Variants in PAQR5 observed in about 807,000 individuals in gnomAD.
The protein encoded by PAQR5 is progestin and adipoQ receptor family member 5.
Under a neutral mutation model 34.5 loss-of-function variants are expected in PAQR5, and 20 were observed. The ratio of observed to expected loss-of-function variants is 0.58; its 90% confidence interval spans 0.41 to 0.84. PAQR5 has a LOEUF of 0.84. PAQR5 is among the 40% of genes least tolerant of loss of function. The probability of loss-of-function intolerance (pLI) is 0.00; values close to 1 mark genes in which losing one functional copy is unlikely to be tolerated. For synonymous variants in PAQR5, 131 were observed against 155.6 expected (o/e 0.84, Z 1.18); for missense variants, 378 against 412.7 (o/e 0.92, Z 0.73).
intron 6 of PAQR5, among the ~76,000 whole-genome samples, chr15:69,393,594 C>T (rs2056330411): frequency 6.6e-6 from 1 of 152,156 alleles, no homozygotes; most frequent in Non-Finnish European, 1.5e-5. Flanking sequence ...CTTCCTCCCC[C>T]AGGCTCCACC....
chr15:69,300,302 A>C lies in PAQR5; in HGVS notation c.-277+1246A>C, dbSNP rs1370091356. Among the ~76,000 whole-genome samples, 3 of 152,166 alleles carry C rather than the reference A, an allele frequency of 2.0e-5. No homozygotes were observed. The East Asian group carries it at 5.8e-4, about 29-fold the overall frequency. The stretch of plus-strand genomic sequence containing the variant: ...GGCAGGGACCTGCTTTGTTCCCTGC[A>C]GGGACCTGCTTTGTTCCCTGCCGTA... On this transcript the variant is annotated intron_variant, in intron 1 of 8. Coordinates refer to ENST00000395407, the MANE Select transcript of PAQR5 (RefSeq NM_017705.4).
chr15:69,328,629 G>A (rs935187022), intron 1 of PAQR5, among the ~76,000 whole-genome samples: 4 of 152,174 alleles, frequency 2.6e-5, no homozygotes, highest in Admixed American at 1.3e-4. Context: ...GGAGTTGCTC[G>A]GGATGGGGGT....
At chr15:69,361,721 C>T (rs1056113281) in intron 3 of PAQR5, among the ~76,000 whole-genome samples, 1 of 152,196 alleles carries the variant, frequency 6.6e-6, no homozygotes, top group Non-Finnish European at 1.5e-5. Context: ...ATGATCCAAT[C>T]ACCTCCCACC....
At chr15:69,354,077 G>A (rs2054994981) in intron 2 of PAQR5, among the ~76,000 whole-genome samples, 1 of 152,152 alleles carries the variant, frequency 6.6e-6, no homozygotes, top group African/African-American at 2.4e-5. Flanking sequence ...TGTGATTAAG[G>A]TCAATGGGAA....
At chr15:69,346,798 TTTTA>T (rs140135490) in intron 2 of PAQR5, among the ~76,000 whole-genome samples, 129,165 of 147,796 alleles carry the variant, frequency 0.87, 57,224 homozygotes, top group Non-Finnish European at 0.96. Flanking sequence ...ATTTTTGTAT[TTTTA>T]TTTATTTATT....
chr15:69,405,468 T>C lies in PAQR5; in HGVS notation c.*1646T>C, dbSNP rs989261817. ...TCTGGGGAAGGCAGACTGATAAAAT[T>C]ATATGGGCTGGTAAATTTTTGGTAC... On this transcript the variant is annotated 3_prime_UTR_variant, in exon 9 of 9. Coordinates refer to ENST00000395407, the MANE Select transcript of PAQR5 (RefSeq NM_017705.4). 1 of 152,754 alleles carries C rather than the reference T, an allele frequency of 6.5e-6. No individual in the cohort carries two copies. The highest frequency in any genetic ancestry group is 1.5e-5 in the Non-Finnish European group (1 of 68,440). The allele number at this position is 152,754 out of a possible 1,614,324, so 9.5% of individuals were successfully genotyped here. A position where few individuals can be genotyped will look rare whatever the true frequency, so the allele number is the denominator to read the frequency against.
rs557579486 is a variant in PAQR5 at position 69,352,745 on chromosome 15, C to T, written c.-115-7221C>T. 1.1e-4 allele frequency among the ~76,000 whole-genome samples: 17 copies of T among 152,266 alleles called. 1 individual carries two copies. The highest frequency in any genetic ancestry group is 1.9e-4 in the Non-Finnish European group (13 of 68,032). ...CCTGGTCATGCACTTTGCTTGGAAG[C>T]AGAAATGGCCAGATGTATATAGTTT... On this transcript the variant is annotated intron_variant, in intron 2 of 8. Transcript: ENST00000395407.
At chr15:69,360,579 G>C (rs2055206017) in intron 3 of PAQR5, among the ~76,000 whole-genome samples, 1 of 152,192 alleles carries the variant, frequency 6.6e-6, no homozygotes, top group Admixed American at 6.5e-5. Context: ...GAGGGTTGTT[G>C]AATGAGCCTT....
intron 2 of PAQR5, among the ~76,000 whole-genome samples, chr15:69,352,158 T>G (rs940156765): frequency 1.3e-5 from 2 of 152,160 alleles, no homozygotes; most frequent in African/African-American, 2.4e-5. Flanking sequence ...ATAGGTGAAC[T>G]GCAGCAGATG....
intron 2 of PAQR5, among the ~76,000 whole-genome samples, 185 bp from the exon 3 acceptor site, chr15:69,359,780 AC>A (rs1358170913): frequency 2.0e-5 from 3 of 151,862 alleles, no homozygotes; most frequent in African/African-American, 7.3e-5. Context: ...ATTATTAATT[AC>A]CTCCCTCCAG....
intron 1 of PAQR5, among the ~76,000 whole-genome samples, chr15:69,315,060 T>C (rs910734423): frequency 6.6e-6 from 1 of 152,114 alleles, no homozygotes; most frequent in Non-Finnish European, 1.5e-5. Flanking sequence ...CAGCCTGGGA[T>C]GAGGAGACTG....
chr15:69,335,542 GTTTTTTTT>G (rs56712868), intron 1 of PAQR5, among the ~76,000 whole-genome samples: 2 of 61,104 alleles, frequency 3.3e-5, no homozygotes, highest in African/African-American at 1.3e-4. Flanking sequence ...ACCGCATCCA[GTTTTTTTT>G]TTTTTTTTTT....
intron 3 of PAQR5, among the ~76,000 whole-genome samples, chr15:69,378,884 T>C (rs1213704073): frequency 2.0e-5 from 3 of 152,152 alleles, no homozygotes; most frequent in Non-Finnish European, 4.4e-5. Flanking sequence ...CCATGGATGC[T>C]GTGAAAGGAC....
intron 2 of PAQR5, among the ~76,000 whole-genome samples, chr15:69,346,370 A>G (rs953794687): frequency 7.2e-6 from 1 of 138,846 alleles, no homozygotes; most frequent in East Asian, 2.1e-4. Context: ...CAGTGATACA[A>G]TAATAGCTCA....
chr15:69,328,237 C>T (rs981407467), intron 1 of PAQR5, among the ~76,000 whole-genome samples: 11 of 152,198 alleles, frequency 7.2e-5, no homozygotes, highest in Non-Finnish European at 1.5e-4. Context: ...CTGCCAGCCA[C>T]GCTCTATGCA....
intron 6 of PAQR5, chr15:69,391,677 G>A (rs751094669): frequency 7.9e-5 from 36 of 456,028 alleles, no homozygotes; most frequent in African/African-American, 4.0e-4. Context: ...TGGCTCTGGC[G>A]TTTGAAATTT....
intron 1 of PAQR5, among the ~76,000 whole-genome samples, chr15:69,300,244 C>G (rs2053502942): frequency 6.6e-6 from 1 of 152,172 alleles, no homozygotes; most frequent in Non-Finnish European, 1.5e-5. Flanking sequence ...AAGAGCCAGC[C>G]AGAGCCTTGC....
chr15:69,337,731 A>G (rs2054543085), intron 2 of PAQR5, among the ~76,000 whole-genome samples: 1 of 84,724 alleles, frequency 1.2e-5, no homozygotes, highest in Non-Finnish European at 2.6e-5. Context: ...TATGCAAATC[A>G]TCAGGCCAAG....
At chr15:69,358,266 A>G (rs889662159) in intron 2 of PAQR5, among the ~76,000 whole-genome samples, 3 of 152,146 alleles carry the variant, frequency 2.0e-5, no homozygotes, top group South Asian at 2.1e-4. Flanking sequence ...TTCATCCTGC[A>G]TTTAAGCAAT....
Sources: allele counts gnomAD v4.1 joint callset (sites outside exome capture counted in the v4.1 genomes callset), GRCh38; gene constraint gnomAD v4.1.1; transcripts MANE v1.5; gene names NCBI Gene and HGNC (gene_info 2026-07-23, HGNC 2026-07-21).